The following SUGCT variants were observed in gnomAD, a reference collection of about 807,000 sequenced individuals.
SUGCT encodes the protein succinyl-CoA:glutarate CoA-transferase.
A neutral mutation model predicts 55.0 loss-of-function variants in SUGCT; 41 were observed. The ratio of observed to expected loss-of-function variants is 0.74; its 90% CI spans 0.58 to 0.97. The LOEUF (loss-of-function observed/expected upper bound fraction) is 0.97. Among genes scored for constraint, SUGCT ranks in the 50% least tolerant of loss-of-function variants. The probability of loss-of-function intolerance (pLI) is 0.00; values close to 1 mark genes in which losing one functional copy is unlikely to be tolerated. For missense variants in SUGCT, 568 were observed against 547.8 expected, an observed-to-expected ratio of 1.04 and a Z score of -0.37; for synonymous variants, 187 against 200.4, an observed-to-expected ratio of 0.93 and a Z score of 0.56.
chr7:40,514,331 G>A (rs777815480), intron 12 of SUGCT, among the ~76,000 whole-genome samples: 11 of 151,988 alleles, frequency 7.2e-5, no homozygotes, highest in Non-Finnish European at 1.5e-4. Flanking sequence ...GCTGTGCAAG[G>A]CATTATGCTA....
At chr7:40,315,046 C>T (rs1021362113) in intron 8 of SUGCT, among the ~76,000 whole-genome samples, 3 of 152,158 alleles carry the variant, frequency 2.0e-5, no homozygotes, top group South Asian at 2.1e-4. Flanking sequence ...GAAATATTAT[C>T]TGCTTACATA....
intron 9 of SUGCT, among the ~76,000 whole-genome samples, chr7:40,366,307 A>C (rs1374048492): frequency 6.6e-6 from 1 of 152,222 alleles, no homozygotes; most frequent in African/African-American, 2.4e-5. Flanking sequence ...AAACCATAAA[A>C]ACCCTAGAAG....
intron 13 of SUGCT, among the ~76,000 whole-genome samples, chr7:40,772,578 GCTATCTATCTATCTATCTAT>G (rs70990645): frequency 1.8e-4 from 19 of 103,862 alleles, no homozygotes; most frequent in East Asian, 1.3e-3. Context: ...TTATCTATCT[GCTATCTATCTATCTATCTAT>G]CTATCTATCT....
intron 12 of SUGCT, among the ~76,000 whole-genome samples, chr7:40,549,415 T>C (rs1273822173): frequency 6.6e-6 from 1 of 152,156 alleles, no homozygotes; most frequent in East Asian, 1.9e-4. Flanking sequence ...AAATTAGAGG[T>C]AGCCTTAAAG....
the SUGCT span, among the ~76,000 whole-genome samples, chr7:41,007,921 C>G: frequency 6.6e-6 from 1 of 151,522 alleles, no homozygotes. Context: ...TTTCTCTTCC[C>G]TTAACAAAAT....
intron 3 of SUGCT, among the ~76,000 whole-genome samples, chr7:40,187,682 G>A: frequency 6.6e-6 from 1 of 152,198 alleles, no homozygotes; most frequent in South Asian, 2.1e-4. Flanking sequence ...ATCACTTTGG[G>A]AGGCCTAGGC....
chr7:40,629,253 C>T (rs1799673464), intron 12 of SUGCT, among the ~76,000 whole-genome samples: 1 of 152,202 alleles, frequency 6.6e-6, no homozygotes, highest in South Asian at 2.1e-4. Flanking sequence ...AACCTGTGTG[C>T]TGCTCTTCAA....
At chr7:41,014,826 A>G in the SUGCT span, among the ~76,000 whole-genome samples, 1 of 152,364 alleles carries the variant, frequency 6.6e-6, no homozygotes, top group East Asian at 1.9e-4. Context: ...AGATTGAGGA[A>G]TATGGCAAAC....
intron 12 of SUGCT, among the ~76,000 whole-genome samples, chr7:40,552,307 T>C (rs1448107130): frequency 6.6e-6 from 1 of 152,212 alleles, no homozygotes; most frequent in Non-Finnish European, 1.5e-5. Flanking sequence ...CTGCCCTCCA[T>C]ACCTCTGTTT....
chr7:40,873,035 A>G, the SUGCT span, among the ~76,000 whole-genome samples: 1 of 152,148 alleles, frequency 6.6e-6, no homozygotes. Context: ...ACATAACAGT[A>G]ACGTACCCTA....
At chr7:40,962,292 C>A in the SUGCT span, among the ~76,000 whole-genome samples, 1 of 152,046 alleles carries the variant, frequency 6.6e-6, no homozygotes, top group Admixed American at 6.5e-5. Context: ...CAGAAAAGTT[C>A]TCCAAGTTCC....
chr7:40,479,730 A>G lies in SUGCT; in HGVS notation c.987-16554A>G, dbSNP rs544530247. ...CAGTCATTATAACAGATTTGAGGTG[A>G]TATCTCCCTGTGACTATGATTAATA... On this transcript the variant is annotated intron_variant, in intron 11 of 13. Transcript: ENST00000335693. Among the ~76,000 whole-genome samples, 9 of 152,238 alleles carry G rather than the reference A, an allele frequency of 5.9e-5. No individual in the cohort carries two copies. In the East Asian group the frequency reaches 1.7e-3, roughly 29 times the overall value.
At chr7:40,303,657 C>G (rs1384996200) in intron 8 of SUGCT, among the ~76,000 whole-genome samples, 1 of 152,164 alleles carries the variant, frequency 6.6e-6, no homozygotes, top group East Asian at 1.9e-4. Flanking sequence ...CCCATTTCTT[C>G]TCTTTCACAC....
chr7:40,902,006 C>T, the SUGCT span, among the ~76,000 whole-genome samples: 1 of 152,142 alleles, frequency 6.6e-6, no homozygotes, highest in African/African-American at 2.4e-5. Flanking sequence ...GTATCGTTTT[C>T]ATGCCCCACT....
the SUGCT span, among the ~76,000 whole-genome samples, chr7:40,916,102 C>CACACACAT: frequency 2.2e-5 from 3 of 134,952 alleles, no homozygotes; most frequent in African/African-American, 8.4e-5. Context: ...CACACACACA[C>CACACACAT]ACAGATATAC....
intron 12 of SUGCT, among the ~76,000 whole-genome samples, chr7:40,624,727 G>A (rs1799435514): frequency 1.3e-5 from 2 of 151,066 alleles, no homozygotes; most frequent in South Asian, 2.1e-4. Flanking sequence ...AAGTAGGTAG[G>A]GCCCCTGACT....
chr7:40,395,063 A>G (rs1478589049), intron 9 of SUGCT, among the ~76,000 whole-genome samples: 1 of 152,204 alleles, frequency 6.6e-6, no homozygotes. Flanking sequence ...ACTCCCAACC[A>G]TTAGAAAATG....
At chr7:40,939,724 T>C in the SUGCT span, among the ~76,000 whole-genome samples, 1 of 152,158 alleles carries the variant, frequency 6.6e-6, no homozygotes, top group Non-Finnish European at 1.5e-5. Context: ...TTCCCACTTT[T>C]TGATGGGATT....
intron 11 of SUGCT, among the ~76,000 whole-genome samples, chr7:40,489,037 A>G (rs1451313462): frequency 6.6e-6 from 1 of 151,964 alleles, no homozygotes. Context: ...TCCTGCTGTT[A>G]TTTCTTTAAA....
Sources: allele counts gnomAD v4.1 joint callset (sites outside exome capture counted in the v4.1 genomes callset), GRCh38; gene constraint gnomAD v4.1.1; transcripts MANE v1.5; gene names NCBI Gene and HGNC (gene_info 2026-07-23, HGNC 2026-07-21).